Variants in SLC25A24 observed in about 807,000 individuals in gnomAD.
SLC25A24 encodes the protein solute carrier family 25 member 24, also known as mitochondrial adenyl nucleotide antiporter SLC25A24.
In SLC25A24, 49 loss-of-function variants were observed where a neutral mutation model predicts 60.7. The observed-to-expected ratio is 0.81, with a 90% CI of 0.64 to 1.02. The LOEUF (loss-of-function observed/expected upper bound fraction) is 1.02. Among genes scored for constraint, SLC25A24 ranks in the 50% least tolerant of loss-of-function variants. The probability of loss-of-function intolerance (pLI) is 0.00; values close to 1 mark genes in which losing one functional copy is unlikely to be tolerated. For missense variants in SLC25A24, 564 were observed against 586.3 expected, an observed-to-expected ratio of 0.96 and a Z score of 0.39; for synonymous variants, 202 against 200.6, an observed-to-expected ratio of 1.01 and a Z score of -0.06.
chr1:108,170,911 C>T lies in SLC25A24; in HGVS notation c.399-9618G>A, dbSNP rs565335684. Among the ~76,000 whole-genome samples the T allele has an allele frequency of 3.3e-5, 5 of 152,138 alleles. No individual in the cohort carries two copies. In the South Asian group the frequency reaches 1.0e-3, roughly 32 times the overall value. On this transcript the variant is annotated intron_variant, in intron 3 of 9. Coordinates refer to ENST00000565488, the MANE Select transcript of SLC25A24 (RefSeq NM_013386.5). The stretch of plus-strand genomic sequence containing the variant: ...TAACTTACTCGTCACCCACCTCAAA[C>T]CCCCAGGGAAACAGGATAAGAACTC...
intron 1 of SLC25A24, chr1:108,192,687 G>T: frequency 2.7e-6 from 4 of 1,458,348 alleles, no homozygotes; most frequent in Non-Finnish European, 2.7e-6. Context: ...TGCGACCGAC[G>T]AACGGGATCT....
At chr1:108,193,297 AG>A (rs1403007272) in intron 1 of SLC25A24, among the ~76,000 whole-genome samples, 2 of 138,208 alleles carry the variant, frequency 1.4e-5, no homozygotes, top group African/African-American at 5.0e-5. Flanking sequence ...TTGTGAACAA[AG>A]TACCCAGTAG....
chr1:108,178,505 G>A (rs558920245), intron 3 of SLC25A24, among the ~76,000 whole-genome samples: 23 of 152,064 alleles, frequency 1.5e-4, no homozygotes, highest in Admixed American at 2.0e-4. Flanking sequence ...TTTCTTTTCC[G>A]ACCACAATAA....
Position 108,136,612 on chromosome 1 carries a change from T to G in SLC25A24, c.*41A>C. The G allele has an allele frequency of 6.5e-7, 1 of 1,545,824 alleles. No individual in the cohort carries two copies. Among genetic ancestry groups the G allele is most frequent in the African/African-American group, 1.4e-5 (1 of 73,302 alleles). On this transcript the variant is annotated 3_prime_UTR_variant, in exon 10 of 10. Coordinates refer to ENST00000565488, the MANE Select transcript of SLC25A24 (RefSeq NM_013386.5). The stretch of plus-strand genomic sequence containing the variant: ...GGAGAAAAAGTCACTCCAGAGATTG[T>G]TGAAAGTTTCAATTATCAGGCTAAA...
chr1:108,197,357 G>A (rs1648526341), intron 1 of SLC25A24, among the ~76,000 whole-genome samples: 1 of 152,140 alleles, frequency 6.6e-6, no homozygotes, highest in South Asian at 2.1e-4. Flanking sequence ...ACGGAGATGA[G>A]ATCAAATCAG....
At chr1:108,180,252 C>T (rs1048932642) in intron 3 of SLC25A24, among the ~76,000 whole-genome samples, 107 of 152,042 alleles carry the variant, frequency 7.0e-4, no homozygotes, top group African/African-American at 2.6e-3. Flanking sequence ...ATAGTCCCAA[C>T]TACTCAGGAG....
At chr1:108,140,638 G>A (rs1679419669) in intron 8 of SLC25A24, among the ~76,000 whole-genome samples, 1 of 151,966 alleles carries the variant, frequency 6.6e-6, no homozygotes, top group Non-Finnish European at 1.5e-5. Context: ...AAGTTTGTGG[G>A]GAGGAGGTGA....
intron 1 of SLC25A24, among the ~76,000 whole-genome samples, chr1:108,191,138 CTT>C (rs368189296): frequency 1.5e-5 from 2 of 133,270 alleles, no homozygotes; most frequent in African/African-American, 5.2e-5. Context: ...GAACACTTAA[CTT>C]TTTTTTTTTC....
chr1:108,167,471 A>C (rs1647231282), intron 3 of SLC25A24, among the ~76,000 whole-genome samples: 1 of 152,238 alleles, frequency 6.6e-6, no homozygotes, highest in African/African-American at 2.4e-5. Context: ...CCTCCGAGCC[A>C]GGTGCAGGAT....
intron 7 of SLC25A24, among the ~76,000 whole-genome samples, chr1:108,147,894 ACTCT>A (rs143754371): frequency 6.7e-6 from 1 of 149,422 alleles, no homozygotes; most frequent in Non-Finnish European, 1.5e-5. Context: ...CATCTTAGGC[ACTCT>A]CTCTCTCTCT....
chr1:108,176,697 A>C (rs1202151890), intron 3 of SLC25A24, among the ~76,000 whole-genome samples: 1 of 152,208 alleles, frequency 6.6e-6, no homozygotes, highest in African/African-American at 2.4e-5. Flanking sequence ...GCAGAGACCT[A>C]ACAGGTCAGG....
chr1:108,190,389 C>T (rs1202097794), intron 1 of SLC25A24, among the ~76,000 whole-genome samples: 1 of 152,186 alleles, frequency 6.6e-6, no homozygotes, highest in African/African-American at 2.4e-5. Context: ...GCTGTTACAG[C>T]AGTTATTGCA....
intron 4 of SLC25A24, among the ~76,000 whole-genome samples, chr1:108,159,464 GTTTTTTTTT>G (rs60246776): frequency 7.6e-6 from 1 of 131,072 alleles, no homozygotes; most frequent in Non-Finnish European, 1.6e-5. Context: ...GTCTTGGGTT[GTTTTTTTTT>G]TTTTTTTTTT....
rs990374933 is a variant in SLC25A24, at chr1:108,181,609, A to G, written c.398+332T>C. Among the ~76,000 whole-genome samples, 6 of 152,306 alleles carry G rather than the reference A, an allele frequency of 3.9e-5. No homozygotes were observed. The East Asian group carries it at 1.2e-3, about 29-fold the overall frequency. On this transcript the variant is annotated intron_variant, in intron 3 of 9. Coordinates refer to ENST00000565488, the MANE Select transcript of SLC25A24 (RefSeq NM_013386.5). ...CTGCTAGTCTTCTTAGTTTGAATCA[A>G]TGAGTTTTACTGTCACATTAGAAAT...
chr1:108,185,674 C>T (rs1419215591), intron 2 of SLC25A24, among the ~76,000 whole-genome samples, 154 bp downstream of exon 2: 1 of 151,930 alleles, frequency 6.6e-6, no homozygotes, highest in Non-Finnish European at 1.5e-5. Flanking sequence ...ATAATATAAA[C>T]TCTACATAAA....
intron 3 of SLC25A24, 121 bp from the exon 4 acceptor site, chr1:108,161,414 A>T: frequency 1.6e-6 from 1 of 631,892 alleles, no homozygotes; most frequent in Admixed American, 3.3e-5. Context: ...AAATTAAAAA[A>T]CCCCATCCAC....
At position 108,138,267 on chromosome 1, in the gene SLC25A24, G is replaced by T. The variant is rs554361522; in HGVS notation, c.1249+791C>A. 2.6e-5 allele frequency among the ~76,000 whole-genome samples: 4 copies of T among 152,324 alleles called. No individual in the cohort carries two copies. In the South Asian group the frequency reaches 6.2e-4, roughly 24 times the overall value. On this transcript the variant is annotated intron_variant, in intron 9 of 9. Transcript: ENST00000565488. ...TGTCTAGAATGGGACAATGGCTCAG[G>T]GAGTATTTGCCAATTAGTTACTGAC...
intron 3 of SLC25A24, among the ~76,000 whole-genome samples, chr1:108,178,946 C>G (rs1349194521): frequency 6.6e-6 from 1 of 151,768 alleles, no homozygotes; most frequent in Non-Finnish European, 1.5e-5. Context: ...TCAAAAATTT[C>G]CTGAGATGAA....
intron 1 of SLC25A24, among the ~76,000 whole-genome samples, chr1:108,198,292 T>TG (rs1054565770): frequency 3.9e-5 from 6 of 152,206 alleles, no homozygotes; most frequent in African/African-American, 1.4e-4. Flanking sequence ...TTACAAAGAC[T>TG]GATACCCTGA....
Sources: gnomAD v4.1 joint callset for allele counts (sites outside exome capture counted in the v4.1 genomes callset) on GRCh38, gnomAD v4.1.1 for gene constraint, MANE v1.5 for transcripts, NCBI Gene and HGNC (gene_info 2026-07-23, HGNC 2026-07-21) for gene names.